Variants in TSEN2 observed in about 807,000 individuals in gnomAD.
The protein encoded by TSEN2 is tRNA-splicing endonuclease subunit Sen2.
In TSEN2, 54 loss-of-function variants were observed where a neutral mutation model predicts 59.2. That is an observed-to-expected ratio of 0.91 (90% confidence interval 0.73 to 1.14). TSEN2 has a LOEUF of 1.14. TSEN2 is among the 50% of genes most tolerant of loss of function. The probability of loss-of-function intolerance (pLI) is 0.00; values close to 1 mark genes in which losing one functional copy is unlikely to be tolerated. For missense variants in TSEN2, 636 were observed against 576.2 expected, an observed-to-expected ratio of 1.10 and a Z score of -1.06; for synonymous variants, 195 against 198.2, an observed-to-expected ratio of 0.98 and a Z score of 0.14.
chr3:12,530,166 C>T lies in TSEN2; in HGVS notation c.1248+293C>T, dbSNP rs192884917. On this transcript the variant is annotated intron_variant, in intron 10 of 11. Transcript: ENST00000284995. ...ATCTGGGTAGGCATTGCTTCTCTTCCCAGGGGTATCGTTGCTATGTGACTT... is the reference window on the plus strand; with the variant it reads ...ATCTGGGTAGGCATTGCTTCTCTTCTCAGGGGTATCGTTGCTATGTGACTT... The T allele has an allele frequency of 1.2e-5, 15 of 1,254,320 alleles. No homozygotes were observed. In the Admixed American group the frequency reaches 5.8e-4, roughly 48 times the overall value. 77.7% of individuals were successfully genotyped at this position (1,254,320 alleles called of 1,614,324 possible).
At chr3:12,509,177 TG>T (rs1559320170) in intron 6 of TSEN2, among the ~76,000 whole-genome samples, 1 of 149,164 alleles carries the variant, frequency 6.7e-6, no homozygotes, top group Non-Finnish European at 1.5e-5. Flanking sequence ...CTGTCAACTT[TG>T]GGGGTTTTTT....
chr3:12,528,027 C>G (rs73142756), intron 8 of TSEN2, among the ~76,000 whole-genome samples: 285 of 152,328 alleles, frequency 1.9e-3, no homozygotes, highest in African/African-American at 6.4e-3. Flanking sequence ...CCCCCATCTT[C>G]TTCAGGTCCT....
At chr3:12,532,518 CAGATGTTTCTGTTCTAAA>C (rs2057527421) in intron 11 of TSEN2, 126 bp from the exon 12 acceptor site, 2 of 744,566 alleles carry the variant, frequency 2.7e-6, no homozygotes, top group African/African-American at 3.5e-5. Context: ...TCATTTTCTC[CAGATGTTTCTGTTCTAAA>C]GGTGGGAACA....
intron 6 of TSEN2, among the ~76,000 whole-genome samples, chr3:12,515,175 A>G (rs551064880): frequency 6.6e-6 from 1 of 152,358 alleles, no homozygotes; most frequent in South Asian, 2.1e-4. Context: ...AGCCAGGCAG[A>G]GAATGACAGG....
chr3:12,486,372 A>T (rs1315626014), intron 1 of TSEN2, among the ~76,000 whole-genome samples: 1 of 152,216 alleles, frequency 6.6e-6, no homozygotes, highest in Non-Finnish European at 1.5e-5. Flanking sequence ...GGACTCTTCC[A>T]TGAAACTAGA....
chr3:12,522,020 AAAAAAT>A (rs1439207931), intron 8 of TSEN2, among the ~76,000 whole-genome samples: 1 of 41,836 alleles, frequency 2.4e-5, no homozygotes, highest in Non-Finnish European at 5.5e-5. Flanking sequence ...AAATAATAAT[AAAAAAT>A]AAAAATAAAA....
chr3:12,503,154 C>G, intron 4 of TSEN2, 108 bp from the exon 5 acceptor site: 1 of 1,173,826 alleles, frequency 8.5e-7, no homozygotes, highest in Non-Finnish European at 1.3e-6. Context: ...TTCAATAATA[C>G]TGCTGTAAAC....
chr3:12,485,406 T>TG (rs5846774), intron 1 of TSEN2, among the ~76,000 whole-genome samples: 152,345 of 152,346 alleles, frequency 1, 76,172 homozygotes, highest in Non-Finnish European at 1. Flanking sequence ...TGGAGTCAGG[T>TG]TGCGCAGGTT....
chr3:12,522,508 A>G (rs2056731191), intron 8 of TSEN2, among the ~76,000 whole-genome samples: 1 of 152,184 alleles, frequency 6.6e-6, no homozygotes, highest in African/African-American at 2.4e-5. Context: ...CTAGTCTGGG[A>G]TATGAGGAGC....
upstream of TSEN2, among the ~76,000 whole-genome samples, chr3:12,482,767 C>G (rs2052225344): frequency 6.6e-6 from 1 of 152,128 alleles, no homozygotes; most frequent in Non-Finnish European, 1.5e-5. Context: ...TTTAACTGGA[C>G]AACCTCTGAA....
intron 8 of TSEN2, among the ~76,000 whole-genome samples, chr3:12,527,539 C>T (rs931892635): frequency 2.6e-5 from 4 of 151,424 alleles, no homozygotes; most frequent in Non-Finnish European, 4.4e-5. Flanking sequence ...CTGCAAGCTC[C>T]GCCTCCCGGC....
chr3:12,522,102 T>G (rs2056694950), intron 8 of TSEN2, among the ~76,000 whole-genome samples: 1 of 152,230 alleles, frequency 6.6e-6, no homozygotes, highest in Non-Finnish European at 1.5e-5. Flanking sequence ...ATTGTTATAA[T>G]TGTTCATTTT....
At chr3:12,526,693 A>G (rs2057112969) in intron 8 of TSEN2, among the ~76,000 whole-genome samples, 1 of 152,234 alleles carries the variant, frequency 6.6e-6, no homozygotes, top group Non-Finnish European at 1.5e-5. Context: ...TTCTGCCTTC[A>G]CCATAATCCC....
chr3:12,536,367 C>G (rs1385534175), downstream of TSEN2, among the ~76,000 whole-genome samples: 3 of 152,056 alleles, frequency 2.0e-5, no homozygotes, highest in Admixed American at 6.5e-5. Context: ...TTTAGTGTTT[C>G]AGATAGGAAA....
At position 12,494,264 on chromosome 3, in the gene TSEN2, C is replaced by T. The variant is rs146730284; in HGVS notation, c.271+2047C>T. Among the ~76,000 whole-genome samples, 524 of 152,208 alleles carry T rather than the reference C, an allele frequency of 3.4e-3. 4 individuals carry two copies. Among genetic ancestry groups the T allele is most frequent in the African/African-American group, 0.012 (493 of 41,508 alleles). ...ATAATTAATCCATATAATGAAGGAC[C>T]GTGGAGCTGAGACAGGAATGGGAGA... On this transcript the variant is annotated intron_variant, in intron 3 of 11. Transcript: ENST00000284995.
At position 12,532,928 on chromosome 3, in the gene TSEN2, T is replaced by G. The variant is rs1051153352; in HGVS notation, c.*207T>G. 1.6e-6 allele frequency: 1 copy of G among 611,328 alleles called. No homozygotes were observed. The highest frequency in any genetic ancestry group is 1.8e-5 in the African/African-American group (1 of 54,118). 37.9% of individuals were successfully genotyped at this position (611,328 alleles called of 1,614,324 possible). A position where few individuals can be genotyped will look rare whatever the true frequency, so the allele number is the denominator to read the frequency against. ...TAGGACTGCAGATTCTATACTTGCGTTGGCCTCTAACTCTCCAATCCAGAG... is the reference window on the plus strand; with the variant it reads ...TAGGACTGCAGATTCTATACTTGCGGTGGCCTCTAACTCTCCAATCCAGAG... On this transcript the variant is annotated 3_prime_UTR_variant, in exon 12 of 12. Coordinates refer to ENST00000284995, the MANE Select transcript of TSEN2 (RefSeq NM_025265.4).
At position 12,503,517 on chromosome 3, in the gene TSEN2, G is replaced by A. The variant is rs1161930601; in HGVS notation, c.564G>A (p.Glu188=). ...GKSGGVGDPR[E]PLGCLQEGSG... is the part of the protein sequence containing the mutation. ...CAGGTGGTGTGGGTGATCCCCGTGAGCCATTAGGCTGCCTGCAGGAGGGCT... is the reference window on the plus strand; with the variant it reads ...CAGGTGGTGTGGGTGATCCCCGTGAACCATTAGGCTGCCTGCAGGAGGGCT... The change falls in exon 5 of 12, where the codon GAG becomes GAA. Residue 188 remains glutamate (E), a synonymous_variant. Coordinates refer to ENST00000284995, the MANE Select transcript of TSEN2 (RefSeq NM_025265.4). 1 of 1,613,712 alleles carries A rather than the reference G, an allele frequency of 6.2e-7. No homozygotes were observed. The highest frequency in any genetic ancestry group is 1.1e-5 in the South Asian group (1 of 91,078).
At chr3:12,522,629 A>G (rs956087238) in intron 8 of TSEN2, among the ~76,000 whole-genome samples, 17 of 152,240 alleles carry the variant, frequency 1.1e-4, no homozygotes, top group African/African-American at 3.6e-4. Flanking sequence ...GAAGCCTAGA[A>G]CTGCCAACAT....
At chr3:12,501,731 G>T (rs748192681) in intron 4 of TSEN2, among the ~76,000 whole-genome samples, 9 of 152,092 alleles carry the variant, frequency 5.9e-5, no homozygotes, top group Admixed American at 1.3e-4. Context: ...CCAGGTAAAA[G>T]AAGGTGAAAA....
Sources: gnomAD v4.1 joint callset for allele counts (sites outside exome capture counted in the v4.1 genomes callset) on GRCh38, gnomAD v4.1.1 for gene constraint, MANE v1.5 for transcripts, NCBI Gene and HGNC (gene_info 2026-07-23, HGNC 2026-07-21) for gene names.